Variants in CACNA1D observed in about 807,000 individuals in gnomAD.
The protein encoded by CACNA1D is voltage-dependent L-type calcium channel subunit alpha-1D.
In CACNA1D, 55 loss-of-function variants were observed where a neutral mutation model predicts 257.1. The ratio of observed to expected loss-of-function variants is 0.21; its 90% CI spans 0.17 to 0.27. The LOEUF (loss-of-function observed/expected upper bound fraction) is 0.27, where lower values mean the gene tolerates loss of function less well. Ranked by LOEUF, CACNA1D falls within the 10% of genes least tolerant of loss-of-function variation. The probability of loss-of-function intolerance (pLI) is 1.00; values close to 1 mark genes in which losing one functional copy is unlikely to be tolerated. For missense variants in CACNA1D, 1,876 were observed against 2,784.0 expected (o/e 0.67, Z 7.34); for synonymous variants, 980 against 1,014.9 (o/e 0.97, Z 0.65).
At chr3:53,591,996 G>A (rs1478930610) in intron 3 of CACNA1D, among the ~76,000 whole-genome samples, 1 of 152,050 alleles carries the variant, frequency 6.6e-6, no homozygotes, top group Non-Finnish European at 1.5e-5. Flanking sequence ...TGATTCTTCT[G>A]TACGCTAGGG....
At chr3:53,643,371 G>A (rs1427968478) in intron 3 of CACNA1D, among the ~76,000 whole-genome samples, 2 of 152,102 alleles carry the variant, frequency 1.3e-5, no homozygotes, top group African/African-American at 2.4e-5. Flanking sequence ...AGGTTGAATC[G>A]GCTTGTAGAA....
chr3:53,653,721 A>C lies in CACNA1D; in HGVS notation c.623+2803A>C, dbSNP rs540667734. On this transcript the variant is annotated intron_variant, in intron 4 of 47. Transcript: ENST00000350061. ...GTGGGGGAATAACAAGTGGTCTAAC[A>C]TATATATATATTTGGAGCCTCAGAA... 2.0e-4 allele frequency among the ~76,000 whole-genome samples: 13 copies of C among 65,306 alleles called. No individual in the cohort carries two copies. The East Asian group carries it at 4.3e-3, about 22-fold the overall frequency. The allele number at this position is 65,306 out of a possible 152,430, so 42.8% of individuals were successfully genotyped here.
intron 45 of CACNA1D, 74 bp downstream of exon 45, chr3:53,805,220 G>C: frequency 6.9e-7 from 1 of 1,451,532 alleles, no homozygotes; most frequent in South Asian, 1.1e-5. Context: ...CCCGCTCTGG[G>C]GGCCGGTGAT....
In CACNA1D at chr3:53,579,133, G is replaced by A. The variant is rs370538712; in HGVS notation, c.484-71646G>A. 1.2e-4 allele frequency among the ~76,000 whole-genome samples: 18 copies of A among 152,306 alleles called. No individual in the cohort carries two copies. In the South Asian group the frequency reaches 1.4e-3, roughly 12 times the overall value. On this transcript the variant is annotated intron_variant, in intron 3 of 47. Coordinates refer to ENST00000350061, the MANE Select transcript of CACNA1D (RefSeq NM_001128840.3). ...CCTGCAGGTGACTTCCAGGGATAGCGTTGGTGTTCCAAACGGCAATTGAGA... is the reference window on the plus strand; with the variant it reads ...CCTGCAGGTGACTTCCAGGGATAGCATTGGTGTTCCAAACGGCAATTGAGA...
chr3:53,601,199 G>A (rs1430969158), intron 3 of CACNA1D, among the ~76,000 whole-genome samples: 3 of 152,152 alleles, frequency 2.0e-5, no homozygotes, highest in African/African-American at 4.8e-5. Flanking sequence ...GAGAACCATC[G>A]ATGTGCACAG....
intron 3 of CACNA1D, among the ~76,000 whole-genome samples, chr3:53,622,894 C>CTTT (rs200259187): frequency 6.9e-6 from 1 of 144,880 alleles, no homozygotes; most frequent in East Asian, 2.0e-4. Flanking sequence ...TGAAAGAAGC[C>CTTT]TTTTTTTTTT....
At chr3:53,512,568 T>A (rs372313730) in intron 3 of CACNA1D, among the ~76,000 whole-genome samples, 1 of 152,280 alleles carries the variant, frequency 6.6e-6, no homozygotes. Flanking sequence ...TGACCTGCCC[T>A]GGGTTACACA....
rs377339817 is a variant in CACNA1D at position 53,803,308 on chromosome 3, G to A, written c.5436-115G>A. Reference sequence around the variant, plus strand: ...CCAGTGCTGCCTGAGGCAGGTGCGCGCTGGGAGAAGCCAGGAGCACCCGGG... The same window carrying A: ...CCAGTGCTGCCTGAGGCAGGTGCGCACTGGGAGAAGCCAGGAGCACCCGGG... On this transcript the variant is annotated intron_variant, in intron 43 of 47. Transcript: ENST00000350061. 7.6e-4 allele frequency: 847 copies of A among 1,112,384 alleles called. 6 individuals carry two copies. In the East Asian group the frequency reaches 0.015, roughly 20 times the overall value. The allele number at this position is 1,112,384 out of a possible 1,614,324, so 68.9% of individuals were successfully genotyped here.
At chr3:53,615,530 G>T (rs1359283652) in intron 3 of CACNA1D, among the ~76,000 whole-genome samples, 2 of 152,180 alleles carry the variant, frequency 1.3e-5, no homozygotes. Flanking sequence ...TTTATAGCCT[G>T]GTGGAAGAAT....
Position 53,501,601 on chromosome 3 carries a change from A to T in CACNA1D, c.378-14A>T. On this transcript the variant is annotated splice_polypyrimidine_tract_variant and intron_variant, in intron 2 of 47. Transcript: ENST00000350061. ...GTTTCCATAACACATATATACCTTA[A>T]CACATTTTTTCAGACCATTTGACAT... The T allele has an allele frequency of 1.5e-6, 2 of 1,356,018 alleles. No homozygotes were observed. The highest frequency in any genetic ancestry group is 2.1e-6 in the Non-Finnish European group (2 of 946,798). The allele number at this position is 1,356,018 out of a possible 1,614,324, so 84.0% of individuals were successfully genotyped here. A position where few individuals can be genotyped will look rare whatever the true frequency, so the allele number is the denominator to read the frequency against.
intron 37 of CACNA1D, among the ~76,000 whole-genome samples, chr3:53,777,197 G>A (rs562530758): frequency 2.5e-4 from 38 of 152,260 alleles, no homozygotes; most frequent in African/African-American, 8.2e-4. Context: ...TAGAGAAGGC[G>A]ACATTTCAGT....
chr3:53,746,978 C>T (rs1341387438), intron 25 of CACNA1D, among the ~76,000 whole-genome samples: 2 of 152,120 alleles, frequency 1.3e-5, no homozygotes, highest in Non-Finnish European at 2.9e-5. Flanking sequence ...TCCTTCAGAG[C>T]GCGCCTCAAG....
intron 38 of CACNA1D, among the ~76,000 whole-genome samples, chr3:53,781,330 A>G (rs2095424237): frequency 6.6e-6 from 1 of 152,194 alleles, no homozygotes; most frequent in African/African-American, 2.4e-5. Context: ...CTTGAATCCC[A>G]GGGTGAACCG....
At chr3:53,667,642 C>T (rs893493107) in intron 7 of CACNA1D, among the ~76,000 whole-genome samples, 6 of 152,150 alleles carry the variant, frequency 3.9e-5, no homozygotes, top group African/African-American at 1.4e-4. Flanking sequence ...GTTTTTGCTG[C>T]CCTTCAGCAG....
chr3:53,544,293 C>T (rs115505445), intron 3 of CACNA1D, among the ~76,000 whole-genome samples: 3,935 of 152,138 alleles, frequency 0.026, 118 homozygotes, highest in East Asian at 0.074. Context: ...TTTTGCAGCA[C>T]ATATAATTAT....
intron 42 of CACNA1D, among the ~76,000 whole-genome samples, chr3:53,801,907 C>T (rs1021119975): frequency 6.6e-6 from 1 of 152,180 alleles, no homozygotes; most frequent in Non-Finnish European, 1.5e-5. Context: ...CATATATTTG[C>T]ATATGATGAG....
chr3:53,700,299 A>G (rs889972929), intron 8 of CACNA1D, among the ~76,000 whole-genome samples: 4 of 152,022 alleles, frequency 2.6e-5, no homozygotes, highest in African/African-American at 9.7e-5. Flanking sequence ...GTTCGGAATC[A>G]AAACATGCAA....
chr3:53,662,109 A>G (rs991551803), intron 5 of CACNA1D, among the ~76,000 whole-genome samples: 1 of 152,226 alleles, frequency 6.6e-6, no homozygotes, highest in Non-Finnish European at 1.5e-5. Flanking sequence ...AAAAATGTCC[A>G]GGAATGTTTG....
chr3:53,779,246 G>A (rs991226389), intron 37 of CACNA1D, among the ~76,000 whole-genome samples: 3 of 152,068 alleles, frequency 2.0e-5, no homozygotes, highest in African/African-American at 7.2e-5. Context: ...GAAGTTTCAC[G>A]GTTTAAAAAA....
Sources: gnomAD v4.1 joint callset for allele counts (sites outside exome capture counted in the v4.1 genomes callset) on GRCh38, gnomAD v4.1.1 for gene constraint, MANE v1.5 for transcripts, NCBI Gene and HGNC (gene_info 2026-07-23, HGNC 2026-07-21) for gene names.